The following COQ10B variants were observed in gnomAD, a reference collection of about 807,000 sequenced individuals.
COQ10B encodes the protein coenzyme Q-binding protein COQ10 homolog B, mitochondrial.
COQ10B carries 12 observed loss-of-function variants against 27.6 expected under a neutral mutation model. The ratio of observed to expected loss-of-function variants is 0.43; its 90% confidence interval spans 0.28 to 0.70. The LOEUF is 0.70. COQ10B is among the 30% of genes least tolerant of loss of function. The pLI is 0.17. For synonymous variants in COQ10B, 115 were observed against 103.0 expected (o/e 1.12, Z -0.71); for missense variants, 278 against 288.7 (o/e 0.96, Z 0.27).
At chr2:197,458,005 G>A (rs2085717730) in intron 1 of COQ10B, among the ~76,000 whole-genome samples, 1 of 151,926 alleles carries the variant, frequency 6.6e-6, no homozygotes. Flanking sequence ...TGTAATAAGT[G>A]TGTTCAATTT....
chr2:197,457,247 G>A (rs961630805), intron 1 of COQ10B, among the ~76,000 whole-genome samples: 1 of 152,172 alleles, frequency 6.6e-6, no homozygotes, highest in Non-Finnish European at 1.5e-5. Context: ...TGGCCTGGGC[G>A]TTGGGGATCC....
At chr2:197,467,961 T>C (rs1559294452) in intron 3 of COQ10B, among the ~76,000 whole-genome samples, 1 of 152,242 alleles carries the variant, frequency 6.6e-6, no homozygotes, top group East Asian at 1.9e-4. Flanking sequence ...TATAATGGTC[T>C]AAATCAGTTC....
intron 3 of COQ10B, among the ~76,000 whole-genome samples, chr2:197,466,775 A>C (rs558233784): frequency 1.3e-5 from 2 of 152,112 alleles, no homozygotes; most frequent in East Asian, 1.9e-4. Flanking sequence ...GGGCAAATTC[A>C]CACTTGCATG....
At chr2:197,462,190 AC>A (rs1475823693) in intron 2 of COQ10B, among the ~76,000 whole-genome samples, 2 of 149,070 alleles carry the variant, frequency 1.3e-5, no homozygotes, top group African/African-American at 2.5e-5. Flanking sequence ...AATCGCTTGA[AC>A]CCGGGAGGTG....
intron 2 of COQ10B, among the ~76,000 whole-genome samples, chr2:197,461,225 A>G (rs982805066): frequency 3.3e-5 from 5 of 152,132 alleles, no homozygotes; most frequent in Non-Finnish European, 7.3e-5. Context: ...GTAGAGTTCA[A>G]ATGGGTGTGC....
intron 1 of COQ10B, among the ~76,000 whole-genome samples, chr2:197,454,654 T>A: frequency 6.6e-6 from 1 of 152,094 alleles, no homozygotes; most frequent in East Asian, 1.9e-4. Context: ...GCCATCATAC[T>A]TGAGATCTGT....
chr2:197,472,596 G>T lies in COQ10B; in HGVS notation c.550-1161G>T, dbSNP rs1405071513. On this transcript the variant is annotated intron_variant, in intron 4 of 4. Coordinates refer to ENST00000263960, the MANE Select transcript of COQ10B (RefSeq NM_025147.5). Reference sequence around the variant, plus strand: ...AGGTGGGTGGATTACCTGAGGTCAGGAGTTTGAGACCAGCCTGGCCAACAT... The same window carrying T: ...AGGTGGGTGGATTACCTGAGGTCAGTAGTTTGAGACCAGCCTGGCCAACAT... Among the ~76,000 whole-genome samples, 3 of 152,050 alleles carry T rather than the reference G, an allele frequency of 2.0e-5. No individual in the cohort carries two copies. The East Asian group carries it at 5.8e-4, about 29-fold the overall frequency.
chr2:197,462,559 A>G lies in COQ10B; in HGVS notation c.275A>G (p.Tyr92Cys), dbSNP rs1210897587. 3 of 1,578,762 alleles carry G rather than the reference A, an allele frequency of 1.9e-6. No individual in the cohort carries two copies. The highest frequency in any genetic ancestry group is 1.8e-5 in the Admixed American group (1 of 54,998). ...TAAAGATATTCAATGCAGGAAATGTATGATGTAGTATCGGGAGTGGAGGAT... is the reference window on the plus strand; with the variant it reads ...TAAAGATATTCAATGCAGGAAATGTGTGATGTAGTATCGGGAGTGGAGGAT... ...RILGYSMQEMYDVVSGVEDYK... is the reference protein window; with the variant it reads ...RILGYSMQEMCDVVSGVEDYK... The change falls in exon 3 of 5, where the codon TAT becomes TGT. Residue 92 changes from tyrosine to cysteine, a missense_variant. This residue lies in a region of COQ10B where 183 missense variants were observed against 158.2 expected (regional missense o/e 1.16). Coordinates refer to ENST00000263960, the MANE Select transcript of COQ10B (RefSeq NM_025147.5).
In COQ10B at chr2:197,462,718, C is replaced by A; in HGVS notation, c.434C>A (p.Pro145His). 6.6e-7 allele frequency: 1 copy of A among 1,508,172 alleles called. No homozygotes were observed. The highest frequency in any genetic ancestry group is 8.8e-7 in the Non-Finnish European group (1 of 1,132,062). The allele number at this position is 1,508,172 out of a possible 1,614,324, so 93.4% of individuals were successfully genotyped here. A position where few individuals can be genotyped will look rare whatever the true frequency, so the allele number is the denominator to read the frequency against. Reference sequence around the variant, plus strand: ...ACATCAGTAGTAACCTTGGTGAAACCTCATTTAGTAAAGGTAACAGTTTTG... The same window carrying A: ...ACATCAGTAGTAACCTTGGTGAAACATCATTTAGTAAAGGTAACAGTTTTG... ...RYTSVVTLVK[P>H]HLVKASCTDG... is the part of the protein sequence containing the mutation. The change falls in exon 3 of 5, where the codon CCT becomes CAT. Residue 145 changes from proline to histidine, a missense_variant. Pro to His is a moderately conservative substitution (Grantham distance 77). Transcript: ENST00000263960.
rs76148228 is a variant in COQ10B, at chr2:197,453,925, G to T, written c.104+261G>T. 407 of 1,538,282 alleles carry T rather than the reference G, an allele frequency of 2.6e-4. 1 individual carries two copies. In the African/African-American group the frequency reaches 4.9e-3, roughly 18 times the overall value. ...GCGAAGCGACTTTGGAAGCAATTTGGCCATTGGTGCCTTTGGGCTCTTCCG... is the reference window on the plus strand; with the variant it reads ...GCGAAGCGACTTTGGAAGCAATTTGTCCATTGGTGCCTTTGGGCTCTTCCG... On this transcript the variant is annotated intron_variant, in intron 1 of 4. Transcript: ENST00000263960.
chr2:197,462,608 C>A lies in COQ10B; in HGVS notation c.324C>A (p.Cys108Ter). 1 of 1,595,550 alleles carries A rather than the reference C, an allele frequency of 6.3e-7. No individual in the cohort carries two copies. The highest frequency in any genetic ancestry group is 8.6e-7 in the Non-Finnish European group (1 of 1,168,028). ...VEDYKHFVPW[C>*]KKSDVISKRS... ...ATTACAAGCATTTTGTTCCTTGGTG[C>A]AAAAAATCAGATGTTATATCAAAGA... The change falls in exon 3 of 5, where the codon TGC becomes TGA. Residue 108 changes from cysteine (C) to a stop codon, truncating the protein, a stop_gained. Coordinates refer to ENST00000263960, the MANE Select transcript of COQ10B (RefSeq NM_025147.5). LOFTEE classifies it high-confidence loss of function.
chr2:197,460,288 G>A (rs1174287291), intron 2 of COQ10B, among the ~76,000 whole-genome samples: 1 of 147,284 alleles, frequency 6.8e-6, no homozygotes, highest in African/African-American at 2.5e-5. Flanking sequence ...TGTAACCTTC[G>A]CCTCTCAGAT....
At chr2:197,467,039 T>C (rs907095151) in intron 3 of COQ10B, among the ~76,000 whole-genome samples, 1 of 151,368 alleles carries the variant, frequency 6.6e-6, no homozygotes, top group African/African-American at 2.4e-5. Flanking sequence ...CTTTGCCTCC[T>C]GGGTTCAAGC....
intron 3 of COQ10B, among the ~76,000 whole-genome samples, chr2:197,463,996 TAC>T (rs1241115366): frequency 0.056 from 1,834 of 32,638 alleles, 53 homozygotes; most frequent in Non-Finnish European, 0.069. Context: ...TATATATATA[TAC>T]ACACACACAC....
chr2:197,458,975 C>T (rs2085729030), intron 1 of COQ10B, among the ~76,000 whole-genome samples: 1 of 152,104 alleles, frequency 6.6e-6, no homozygotes, highest in African/African-American at 2.4e-5. Context: ...CCACCTCACC[C>T]AGTCACTTAT....
intron 2 of COQ10B, 129 bp downstream of exon 2, chr2:197,460,210 CTTT>C (rs781514263): frequency 1.4e-3 from 530 of 373,412 alleles, no homozygotes; most frequent in East Asian, 2.0e-3. Context: ...TGGCCTTTTT[CTTT>C]TTTTTTTTTT....
chr2:197,474,205 G>C lies in COQ10B; in HGVS notation c.*281G>C, dbSNP rs2085924768. On this transcript the variant is annotated 3_prime_UTR_variant, in exon 5 of 5. Transcript: ENST00000263960. ...AATACTGGCATGATTCTTCTGAGCA[G>C]AAGTTGAAACTGTAAATTTAAACCT... is the stretch of plus-strand genomic sequence containing the variant. 1 of 246,320 alleles carries C rather than the reference G, an allele frequency of 4.1e-6. No individual in the cohort carries two copies. The highest frequency in any genetic ancestry group is 2.2e-5 in the African/African-American group (1 of 45,040). The allele number at this position is 246,320 out of a possible 1,614,324, so 15.3% of individuals were successfully genotyped here.
At position 197,453,762 on chromosome 2, in the gene COQ10B, C is replaced by A. The variant is rs931312555; in HGVS notation, c.104+98C>A. 7 of 1,154,474 alleles carry A rather than the reference C, an allele frequency of 6.1e-6. No homozygotes were observed. In the South Asian group the frequency reaches 9.1e-5, roughly 15 times the overall value. The allele number at this position is 1,154,474 out of a possible 1,614,324, so 71.5% of individuals were successfully genotyped here. On this transcript the variant is annotated intron_variant, in intron 1 of 4. Transcript: ENST00000263960. ...TTTGGGGGTGAGGCAGAGCCGGACT[C>A]GGTGCATTTCCGTGTCTTTAGAGGA...
In COQ10B at chr2:197,466,158, T is replaced by C. The variant is rs2085823263; in HGVS notation, c.447+3427T>C. Among the ~76,000 whole-genome samples the C allele has an allele frequency of 2.6e-5, 4 of 152,148 alleles. No individual in the cohort carries two copies. The South Asian group carries it at 8.3e-4, about 32-fold the overall frequency. On this transcript the variant is annotated intron_variant, in intron 3 of 4. Transcript: ENST00000263960. ...AAGTAAATCTCTTTATCATTGCACA[T>C]TGACCCATTTACTTCCCTGCTCCCT...
Sources: gnomAD v4.1 joint callset for allele counts (sites outside exome capture counted in the v4.1 genomes callset) on GRCh38, gnomAD v4.1.1 for gene constraint, gnomAD v4.1.1 regional missense constraint, MANE v1.5 for transcripts, NCBI Gene and HGNC (gene_info 2026-07-23, HGNC 2026-07-21) for gene names.